The following HNRNPF variants were observed in gnomAD, a reference collection of about 807,000 sequenced individuals.
The protein encoded by HNRNPF is heterogeneous nuclear ribonucleoprotein F.
Under a neutral mutation model 26.0 loss-of-function variants are expected in HNRNPF, and 2 were observed. The observed-to-expected ratio is 0.08, with a 90% CI of 0.03 to 0.24. HNRNPF has a LOEUF of 0.24. HNRNPF is among the 10% of genes least tolerant of loss of function. HNRNPF has a pLI of 1.00. For missense variants in HNRNPF, 299 were observed against 539.2 expected (o/e 0.55, Z 4.41); for synonymous variants, 234 against 211.5 (o/e 1.11, Z -0.92).
chr10:43,407,006 G>A (rs1838940800), intron 1 of HNRNPF, among the ~76,000 whole-genome samples: 1 of 152,122 alleles, frequency 6.6e-6, no homozygotes, highest in Non-Finnish European at 1.5e-5. Flanking sequence ...CACCTACCTG[G>A]AGAACCCAAG....
At chr10:43,389,263 T>C (rs1328987152) in intron 3 of HNRNPF, among the ~76,000 whole-genome samples, 1 of 152,146 alleles carries the variant, frequency 6.6e-6, no homozygotes, top group Non-Finnish European at 1.5e-5. Context: ...TGAGCCACCA[T>C]GCACAGCTGG....
At chr10:43,388,743 T>C (rs925902415) in intron 3 of HNRNPF, among the ~76,000 whole-genome samples, 1 of 152,204 alleles carries the variant, frequency 6.6e-6, no homozygotes, top group South Asian at 2.1e-4. Context: ...AGAAATGCCC[T>C]TCCCACCAGG....
intron 2 of HNRNPF, among the ~76,000 whole-genome samples, chr10:43,395,635 G>C (rs528786530): frequency 6.6e-6 from 1 of 152,310 alleles, no homozygotes; most frequent in Middle Eastern, 3.4e-3. Flanking sequence ...AACCTATTCA[G>C]GGGTGAAACA....
At chr10:43,405,113 A>G (rs11238536) in intron 1 of HNRNPF, among the ~76,000 whole-genome samples, 11,715 of 152,268 alleles carry the variant, frequency 0.077, 620 homozygotes, top group East Asian at 0.2. Flanking sequence ...TTTGTTTTTA[A>G]TTATTTTAGT....
At chr10:43,391,030 C>G (rs953424708) in intron 3 of HNRNPF, among the ~76,000 whole-genome samples, 2 of 152,160 alleles carry the variant, frequency 1.3e-5, no homozygotes, top group Non-Finnish European at 2.9e-5. Context: ...TGAGGCCAGG[C>G]ACAGTGGCTC....
chr10:43,393,805 A>G (rs189086886), intron 3 of HNRNPF, among the ~76,000 whole-genome samples: 56 of 151,824 alleles, frequency 3.7e-4, no homozygotes, highest in Admixed American at 1.8e-3. Context: ...AGCTCACATC[A>G]CTTCCTTTTT....
chr10:43,402,350 T>C (rs1838778300), intron 1 of HNRNPF, among the ~76,000 whole-genome samples: 1 of 149,852 alleles, frequency 6.7e-6, no homozygotes. Flanking sequence ...TAATGGGAAC[T>C]ACAGGGATCT....
At chr10:43,391,225 A>G (rs1259187673) in intron 3 of HNRNPF, among the ~76,000 whole-genome samples, 1 of 151,672 alleles carries the variant, frequency 6.6e-6, no homozygotes, top group Non-Finnish European at 1.5e-5. Context: ...CCTGGGAGGC[A>G]GAGGTTGCAG....
intron 1 of HNRNPF, among the ~76,000 whole-genome samples, chr10:43,397,937 G>T (rs1384624971): frequency 6.6e-6 from 1 of 152,242 alleles, no homozygotes; most frequent in African/African-American, 2.4e-5. Context: ...GATGTGCTAT[G>T]AACTAGTAAT....
At chr10:43,388,133 C>T (rs970909883) in intron 3 of HNRNPF, among the ~76,000 whole-genome samples, 197 bp from the exon 4 acceptor site, 8 of 152,012 alleles carry the variant, frequency 5.3e-5, no homozygotes, top group Admixed American at 3.3e-4. Context: ...CAAGACAGGA[C>T]GATGCATGTG....
chr10:43,391,533 C>T (rs927424778), intron 3 of HNRNPF, among the ~76,000 whole-genome samples: 5 of 152,044 alleles, frequency 3.3e-5, no homozygotes, highest in Admixed American at 6.6e-5. Context: ...CCCTCAATAT[C>T]GCCCACTGTC....
chr10:43,406,165 C>T (rs1838912068), intron 1 of HNRNPF, among the ~76,000 whole-genome samples: 1 of 152,122 alleles, frequency 6.6e-6, no homozygotes, highest in Non-Finnish European at 1.5e-5. Flanking sequence ...AGAACCAGAG[C>T]TCAGTGGGGG....
At chr10:43,405,308 T>TA (rs1838878211) in intron 1 of HNRNPF, among the ~76,000 whole-genome samples, 1 of 152,340 alleles carries the variant, frequency 6.6e-6, no homozygotes, top group Non-Finnish European at 1.5e-5. Flanking sequence ...AAAAGTTATC[T>TA]ACAAAATATA....
rs1564401334 is a variant in HNRNPF at position 43,409,133 on chromosome 10, TGAG to T, written c.-252_-250del. On this transcript the variant is annotated 5_prime_UTR_variant, in exon 1 of 4. Coordinates refer to ENST00000682386, the MANE Select transcript of HNRNPF (RefSeq NM_001098204.2). ...TTCGGTGGCCCCCCGAACCCCACCT[TGAG>T]GAAGACGCGGCGCAGTCCTGCTTCC... 6.6e-6 allele frequency: 1 copy of T among 152,392 alleles called. No homozygotes were observed. The highest frequency in any genetic ancestry group is 1.9e-4 in the East Asian group (1 of 5,184). The allele number at this position is 152,392 out of a possible 1,614,324, so 9.4% of individuals were successfully genotyped here.
intron 1 of HNRNPF, among the ~76,000 whole-genome samples, chr10:43,408,255 C>G (rs1019338275): frequency 6.6e-6 from 1 of 152,288 alleles, no homozygotes; most frequent in Non-Finnish European, 1.5e-5. Flanking sequence ...GCCGGACTAA[C>G]GCACCCGGCC....
intron 3 of HNRNPF, among the ~76,000 whole-genome samples, chr10:43,388,721 G>GC (rs1008622477): frequency 2.0e-5 from 3 of 152,204 alleles, no homozygotes; most frequent in African/African-American, 7.2e-5. Flanking sequence ...AAGGGCAATC[G>GC]CAAGAGGGCT....
At chr10:43,406,636 G>C (rs1038576681) in intron 1 of HNRNPF, among the ~76,000 whole-genome samples, 1 of 149,738 alleles carries the variant, frequency 6.7e-6, no homozygotes, top group Non-Finnish European at 1.5e-5. Context: ...TCTCGGCAGC[G>C]AGCCGAGATC....
chr10:43,388,966 A>T (rs957318504), intron 3 of HNRNPF, among the ~76,000 whole-genome samples: 1 of 127,100 alleles, frequency 7.9e-6, no homozygotes. Context: ...AGTATATGGA[A>T]TTTTTTTTTT....
chr10:43,395,666 A>C (rs370306473), intron 2 of HNRNPF, among the ~76,000 whole-genome samples: 4 of 152,346 alleles, frequency 2.6e-5, no homozygotes, highest in Admixed American at 6.5e-5. Context: ...CTCTGGAATC[A>C]GGTTTTCAAA....
Sources: allele counts gnomAD v4.1 joint callset (sites outside exome capture counted in the v4.1 genomes callset), GRCh38; gene constraint gnomAD v4.1.1; transcripts MANE v1.5; gene names NCBI Gene and HGNC (gene_info 2026-07-23, HGNC 2026-07-21).